The following KCNJ6 variants were observed in gnomAD, a reference collection of about 807,000 sequenced individuals.
KCNJ6 encodes potassium inwardly rectifying channel subfamily J member 6.
Under a neutral mutation model 34.2 loss-of-function variants are expected in KCNJ6, and 9 were observed. That is an observed-to-expected ratio of 0.26 (90% CI 0.16 to 0.46). The LOEUF (loss-of-function observed/expected upper bound fraction) is 0.46. KCNJ6 is among the 20% of genes least tolerant of loss of function. The pLI is 1.00. For synonymous variants in KCNJ6, 196 were observed against 207.1 expected, an observed-to-expected ratio of 0.95 and a Z score of 0.46; for missense variants, 236 against 531.3, an observed-to-expected ratio of 0.44 and a Z score of 5.46.
At chr21:37,769,410 A>G (rs973974760) in intron 2 of KCNJ6, among the ~76,000 whole-genome samples, 1 of 94,196 alleles carries the variant, frequency 1.1e-5, no homozygotes. Context: ...GTAGCCTTCA[A>G]TTTTATTATT....
At chr21:37,770,264 C>T (rs190539951) in intron 2 of KCNJ6, among the ~76,000 whole-genome samples, 6 of 152,166 alleles carry the variant, frequency 3.9e-5, no homozygotes, top group South Asian at 2.1e-4. Context: ...AAGACTTTCG[C>T]GGGCCATTTC....
At chr21:37,892,413 T>C (rs2055766591) in intron 1 of KCNJ6, among the ~76,000 whole-genome samples, 1 of 152,258 alleles carries the variant, frequency 6.6e-6, no homozygotes, top group African/African-American at 2.4e-5. Flanking sequence ...GGAATTTCTA[T>C]GCTCTGACCT....
intron 2 of KCNJ6, among the ~76,000 whole-genome samples, chr21:37,739,352 C>T (rs936158701): frequency 1.3e-5 from 2 of 152,106 alleles, no homozygotes. Context: ...AACGCCAGCT[C>T]TTAGCATGTT....
At chr21:37,743,658 C>T (rs2054952113) in intron 2 of KCNJ6, among the ~76,000 whole-genome samples, 1 of 152,090 alleles carries the variant, frequency 6.6e-6, no homozygotes, top group Non-Finnish European at 1.5e-5. Context: ...AGGCCCTCTC[C>T]AGATGCTAGC....
chr21:37,913,450 G>A (rs1030809386), intron 1 of KCNJ6, among the ~76,000 whole-genome samples: 1 of 152,210 alleles, frequency 6.6e-6, no homozygotes, highest in African/African-American at 2.4e-5. Context: ...GCTCACCAGT[G>A]TTGTTTTGAT....
chr21:37,777,252 A>T (rs2055146759), intron 2 of KCNJ6, among the ~76,000 whole-genome samples: 1 of 151,970 alleles, frequency 6.6e-6, no homozygotes, highest in African/African-American at 2.4e-5. Flanking sequence ...CTTCTTTATT[A>T]GTCTTGCTAG....
intron 2 of KCNJ6, among the ~76,000 whole-genome samples, chr21:37,766,797 C>T (rs2055093701): frequency 6.6e-6 from 1 of 152,108 alleles, no homozygotes; most frequent in South Asian, 2.1e-4. Flanking sequence ...GGTGGATGAA[C>T]GAGCATTACT....
intron 3 of KCNJ6, among the ~76,000 whole-genome samples, chr21:37,632,782 A>G (rs2054339767): frequency 1.3e-5 from 2 of 152,176 alleles, no homozygotes; most frequent in African/African-American, 4.8e-5. Context: ...AATTACCAAT[A>G]CTTATTTAAG....
At chr21:37,862,466 G>A (rs866889649) in intron 1 of KCNJ6, among the ~76,000 whole-genome samples, 18 of 152,322 alleles carry the variant, frequency 1.2e-4, no homozygotes, top group Middle Eastern at 3.4e-3. Context: ...TCTAAAAGGC[G>A]AAGGCTTTGT....
At chr21:37,772,664 T>C (rs542184743) in intron 2 of KCNJ6, among the ~76,000 whole-genome samples, 114 of 152,330 alleles carry the variant, frequency 7.5e-4, no homozygotes, top group African/African-American at 2.5e-3. Context: ...CTGTATAGCC[T>C]ATATTTCTCT....
chr21:37,629,575 A>G (rs78274839), intron 3 of KCNJ6, among the ~76,000 whole-genome samples: 3,595 of 152,314 alleles, frequency 0.024, 102 homozygotes, highest in East Asian at 0.069. Flanking sequence ...AGACACACAC[A>G]GAGGAAAGAT....
intron 3 of KCNJ6, among the ~76,000 whole-genome samples, chr21:37,707,604 T>C (rs985669075): frequency 2.0e-5 from 2 of 100,566 alleles, no homozygotes; most frequent in Admixed American, 1.1e-4. Flanking sequence ...AAAAGAAGCT[T>C]ACTAAGTAAT....
intron 3 of KCNJ6, among the ~76,000 whole-genome samples, chr21:37,709,522 AG>A (rs56873624): frequency 0.14 from 21,081 of 147,622 alleles, 1,834 homozygotes; most frequent in East Asian, 0.39. Flanking sequence ...CTCAAAAAAA[AG>A]AAAAGAAAAG....
chr21:37,637,675 C>T (rs1003660509), intron 3 of KCNJ6, among the ~76,000 whole-genome samples: 1 of 152,164 alleles, frequency 6.6e-6, no homozygotes, highest in African/African-American at 2.4e-5. Flanking sequence ...GATTGAATAT[C>T]ATGCCCCAAA....
At chr21:37,815,584 G>C (rs538978422) in intron 2 of KCNJ6, among the ~76,000 whole-genome samples, 2 of 152,284 alleles carry the variant, frequency 1.3e-5, no homozygotes, top group South Asian at 4.1e-4. Context: ...TGGGGACTTG[G>C]TCCTCCACGG....
At chr21:37,718,667 G>T (rs906161502) in intron 2 of KCNJ6, among the ~76,000 whole-genome samples, 7 of 152,224 alleles carry the variant, frequency 4.6e-5, no homozygotes, top group Admixed American at 1.3e-4. Context: ...TGCCTGTTAG[G>T]GGGTGGGGGA....
chr21:37,866,727 G>A (rs1214129376), intron 1 of KCNJ6, among the ~76,000 whole-genome samples: 1 of 152,190 alleles, frequency 6.6e-6, no homozygotes, highest in African/African-American at 2.4e-5. Flanking sequence ...CCTGCCACCA[G>A]GCCATGGTCA....
intron 1 of KCNJ6, among the ~76,000 whole-genome samples, chr21:37,882,959 T>C (rs2055717193): frequency 6.6e-6 from 1 of 152,110 alleles, no homozygotes; most frequent in African/African-American, 2.4e-5. Flanking sequence ...CACTCATGAG[T>C]GATAGTGCAT....
At chr21:37,841,513 A>C (rs1188729522) in intron 1 of KCNJ6, among the ~76,000 whole-genome samples, 2 of 152,220 alleles carry the variant, frequency 1.3e-5, no homozygotes, top group African/African-American at 4.8e-5. Context: ...ATTATTTAAA[A>C]ACTTCAGAAA....
Sources: allele counts gnomAD v4.1 joint callset (sites outside exome capture counted in the v4.1 genomes callset), GRCh38; gene constraint gnomAD v4.1.1; transcripts MANE v1.5; gene names NCBI Gene and HGNC (gene_info 2026-07-23, HGNC 2026-07-21).